The following TCF12 variants were observed in gnomAD, a reference collection of about 807,000 sequenced individuals.
TCF12 encodes DNA-binding protein HTF4.
TCF12 carries 45 observed loss-of-function variants against 86.0 expected under a neutral mutation model. The observed-to-expected ratio is 0.52, with a 90% CI of 0.41 to 0.67. The LOEUF (loss-of-function observed/expected upper bound fraction) is 0.67, where lower values mean the gene tolerates loss of function less well. TCF12 is among the 30% of genes least tolerant of loss of function. The pLI, the probability that TCF12 is intolerant of heterozygous loss-of-function variation, is 0.00. For missense variants in TCF12, 881 were observed against 859.9 expected (o/e 1.02, Z -0.31); for synonymous variants, 330 against 299.6 (o/e 1.10, Z -1.05).
intron 3 of TCF12, among the ~76,000 whole-genome samples, chr15:56,976,431 G>T (rs2062608758): frequency 1.3e-5 from 2 of 151,152 alleles, no homozygotes; most frequent in Middle Eastern, 3.2e-3. Flanking sequence ...TAGAGATGGG[G>T]TTTCACCATG....
chr15:57,200,273 A>G (rs2057474485), intron 8 of TCF12, among the ~76,000 whole-genome samples: 1 of 152,120 alleles, frequency 6.6e-6, no homozygotes, highest in South Asian at 2.1e-4. Context: ...TTTAAAAGAA[A>G]ATACTTTAAT....
At chr15:57,072,685 A>G in intron 4 of TCF12, 1 of 1,307,874 alleles carries the variant, frequency 7.6e-7, no homozygotes, top group South Asian at 1.2e-5. Flanking sequence ...GTTAAATAGC[A>G]AAGCAAGACA....
At chr15:57,141,653 C>T (rs540061015) in intron 5 of TCF12, among the ~76,000 whole-genome samples, 96 of 152,190 alleles carry the variant, frequency 6.3e-4, no homozygotes, top group Non-Finnish European at 9.4e-4. Context: ...CCAGACCACT[C>T]GCTGTTATTT....
chr15:57,170,805 A>ATTTTTT (rs58751405), intron 6 of TCF12, among the ~76,000 whole-genome samples: 2 of 51,366 alleles, frequency 3.9e-5, no homozygotes, highest in African/African-American at 2.3e-4. Context: ...TATATATATA[A>ATTTTTT]TTTTTTTTTT....
At chr15:57,137,811 G>A (rs1412903961) in intron 5 of TCF12, among the ~76,000 whole-genome samples, 1 of 152,134 alleles carries the variant, frequency 6.6e-6, no homozygotes, top group African/African-American at 2.4e-5. Context: ...GGCGGATCAC[G>A]AGATCAGGAG....
In TCF12 at chr15:57,286,301, G is replaced by A. The variant is rs776760424; in HGVS notation, c.*156G>A. 2.9e-4 allele frequency: 58 copies of A among 198,170 alleles called. No individual in the cohort carries two copies. Among genetic ancestry groups the A allele is most frequent in the Non-Finnish European group, 4.1e-4 (39 of 95,204 alleles). The allele number at this position is 198,170 out of a possible 1,614,324, so 12.3% of individuals were successfully genotyped here. ...CCAAGAAACTCAAATGTAATCCTAC[G>A]ATCAAAGCAACTGGTCAACACTTCC... On this transcript the variant is annotated 3_prime_UTR_variant, in exon 21 of 21. Coordinates refer to ENST00000333725, the MANE Select transcript of TCF12 (RefSeq NM_207037.2).
chr15:57,172,910 G>A (rs1203211522), intron 6 of TCF12, among the ~76,000 whole-genome samples: 1 of 151,286 alleles, frequency 6.6e-6, no homozygotes, highest in Non-Finnish European at 1.5e-5. Context: ...AGACCAGACT[G>A]AGCAGCATAG....
chr15:57,286,464 GC>G lies in TCF12; in HGVS notation c.*321del, dbSNP rs535302358. 797 of 360,664 alleles carry G rather than the reference GC, an allele frequency of 2.2e-3. 18 individuals carry two copies. The Admixed American group carries it at 0.027, about 12-fold the overall frequency. 22.3% of individuals were successfully genotyped at this position (360,664 alleles called of 1,614,324 possible). ...GATCTCTCCACTCACCGTGGAAGTT[GC>G]CTTGTGCCTAAACTGAATTGACAAA... On this transcript the variant is annotated 3_prime_UTR_variant, in exon 21 of 21. Coordinates refer to ENST00000333725, the MANE Select transcript of TCF12 (RefSeq NM_207037.2).
intron 4 of TCF12, among the ~76,000 whole-genome samples, chr15:57,064,140 T>C (rs1395624025): frequency 1.3e-5 from 2 of 152,202 alleles, no homozygotes; most frequent in African/African-American, 4.8e-5. Flanking sequence ...TTTATTTGCT[T>C]TGAGAGATGG....
At chr15:57,027,090 C>CTG (rs2065867819) in intron 3 of TCF12, among the ~76,000 whole-genome samples, 1 of 151,984 alleles carries the variant, frequency 6.6e-6, no homozygotes, top group Non-Finnish European at 1.5e-5. Flanking sequence ...CTAGGGCTGA[C>CTG]TGTATATACA....
At chr15:56,926,304 C>T (rs2060011542) in intron 3 of TCF12, among the ~76,000 whole-genome samples, 2 of 129,340 alleles carry the variant, frequency 1.5e-5, no homozygotes, top group African/African-American at 5.8e-5. Context: ...CAGAGGGAGA[C>T]TCTGTCTCAA....
At chr15:57,149,316 A>T (rs1270345814) in intron 5 of TCF12, among the ~76,000 whole-genome samples, 2 of 152,238 alleles carry the variant, frequency 1.3e-5, no homozygotes, top group Non-Finnish European at 2.9e-5. Context: ...AAAATACATG[A>T]TACTGAATTT....
chr15:57,127,062 A>G (rs1193854935), intron 5 of TCF12, among the ~76,000 whole-genome samples: 1 of 149,994 alleles, frequency 6.7e-6, no homozygotes, highest in African/African-American at 2.5e-5. Flanking sequence ...AGCTCACTGC[A>G]ACCTCCACCT....
At chr15:56,968,103 T>C (rs2062092924) in intron 3 of TCF12, among the ~76,000 whole-genome samples, 1 of 151,958 alleles carries the variant, frequency 6.6e-6, no homozygotes, top group Non-Finnish European at 1.5e-5. Context: ...ATTACAGGCA[T>C]GTGCCACAAC....
At position 57,115,828 on chromosome 15, in the gene TCF12, T is replaced by G. The variant is rs141905567; in HGVS notation, c.325+23937T>G. ...ATCTATGATAAAGAGTTTAGCACCCTAAGCACCAGGTAAGCAGAGAGATGC... is the reference window on the plus strand; with the variant it reads ...ATCTATGATAAAGAGTTTAGCACCCGAAGCACCAGGTAAGCAGAGAGATGC... On this transcript the variant is annotated intron_variant, in intron 5 of 20. Coordinates refer to ENST00000333725, the MANE Select transcript of TCF12 (RefSeq NM_207037.2). Among the ~76,000 whole-genome samples, 538 of 145,408 alleles carry G rather than the reference T, an allele frequency of 3.7e-3. 2 individuals carry two copies. Among genetic ancestry groups the G allele is most frequent in the African/African-American group, 0.014 (519 of 38,138 alleles).
intron 3 of TCF12, among the ~76,000 whole-genome samples, chr15:57,046,760 T>C (rs963611691): frequency 6.6e-6 from 1 of 152,214 alleles, no homozygotes; most frequent in Non-Finnish European, 1.5e-5. Context: ...CTGGCTGATA[T>C]TCTAAAACTA....
At chr15:57,150,878 CCTTCCTT>C (rs60891198) in intron 5 of TCF12, among the ~76,000 whole-genome samples, 11,958 of 95,570 alleles carry the variant, frequency 0.13, 1,636 homozygotes, top group East Asian at 0.33. Context: ...TCTGTCCCTT[CCTTCCTT>C]CCTTCCTTCC....
chr15:57,184,892 A>T (rs2056575433), intron 6 of TCF12, among the ~76,000 whole-genome samples: 1 of 152,130 alleles, frequency 6.6e-6, no homozygotes, highest in African/African-American at 2.4e-5. Context: ...ATATAAATAA[A>T]ATACATATAT....
chr15:57,277,792 A>C (rs1341585430), intron 19 of TCF12, among the ~76,000 whole-genome samples: 1 of 151,814 alleles, frequency 6.6e-6, no homozygotes, highest in Non-Finnish European at 1.5e-5. Context: ...TTTAAAAATT[A>C]GCTGGATGTC....
Sources: gnomAD v4.1 joint callset for allele counts (sites outside exome capture counted in the v4.1 genomes callset) on GRCh38, gnomAD v4.1.1 for gene constraint, MANE v1.5 for transcripts, NCBI Gene and HGNC (gene_info 2026-07-23, HGNC 2026-07-21) for gene names.